Variants in NALF1 observed in about 807,000 individuals in gnomAD.
The protein encoded by NALF1 is family with sequence similarity 155 member A.
NALF1 carries 3 observed loss-of-function variants against 48.4 expected under a neutral mutation model. That is an observed-to-expected ratio of 0.06 (90% CI 0.03 to 0.16). The LOEUF is 0.16. NALF1 is among the 10% of genes least tolerant of loss of function. The pLI, the probability that NALF1 is intolerant of heterozygous loss-of-function variation, is 1.00. For missense variants in NALF1, 526 were observed against 571.5 expected (o/e 0.92, Z 0.81); for synonymous variants, 262 against 245.7 (o/e 1.07, Z -0.62).
At chr13:107,731,749 C>A (rs1269595397) in intron 1 of NALF1, among the ~76,000 whole-genome samples, 2 of 152,180 alleles carry the variant, frequency 1.3e-5, no homozygotes, top group Admixed American at 6.5e-5. Flanking sequence ...CTTTTTATGA[C>A]TGCGTAGTAT....
chr13:107,532,040 C>T, intron 1 of NALF1, among the ~76,000 whole-genome samples: 1 of 152,016 alleles, frequency 6.6e-6, no homozygotes, highest in Non-Finnish European at 1.5e-5. Context: ...AGTGAGTTAT[C>T]CTAGAAGCAT....
At chr13:107,517,321 C>T (rs1405653842) in intron 1 of NALF1, among the ~76,000 whole-genome samples, 2 of 152,020 alleles carry the variant, frequency 1.3e-5, no homozygotes, top group African/African-American at 4.8e-5. Flanking sequence ...CCCCATGTTA[C>T]TGGGAATTTT....
At chr13:107,449,089 C>A (rs1884699055) in intron 1 of NALF1, among the ~76,000 whole-genome samples, 1 of 152,070 alleles carries the variant, frequency 6.6e-6, no homozygotes, top group Non-Finnish European at 1.5e-5. Flanking sequence ...ACTAAAAATA[C>A]AAAAATTAGC....
intron 1 of NALF1, among the ~76,000 whole-genome samples, chr13:107,495,032 C>A (rs541471005): frequency 3.3e-5 from 5 of 152,184 alleles, no homozygotes; most frequent in African/African-American, 9.7e-5. Flanking sequence ...GACATAGAGG[C>A]GTTACTGTTT....
intron 1 of NALF1, among the ~76,000 whole-genome samples, chr13:107,648,433 G>A (rs1880367684): frequency 6.6e-6 from 1 of 152,138 alleles, no homozygotes; most frequent in South Asian, 2.1e-4. Context: ...TAATCATGCA[G>A]TACATAGCCA....
chr13:107,258,862 C>T (rs1296542346), intron 1 of NALF1, among the ~76,000 whole-genome samples: 1 of 151,828 alleles, frequency 6.6e-6, no homozygotes, highest in Non-Finnish European at 1.5e-5. Context: ...TTAGATGGCA[C>T]AGACACAGAA....
chr13:107,487,816 C>A (rs894268737), intron 1 of NALF1, among the ~76,000 whole-genome samples: 1 of 151,902 alleles, frequency 6.6e-6, no homozygotes, highest in Non-Finnish European at 1.5e-5. Context: ...GGCGGACTCC[C>A]TTTTTTCCCA....
At chr13:107,434,391 G>A (rs577790470) in intron 1 of NALF1, among the ~76,000 whole-genome samples, 18 of 152,224 alleles carry the variant, frequency 1.2e-4, no homozygotes, top group African/African-American at 3.9e-4. Flanking sequence ...CCATAAAGAC[G>A]GAGAATAGGT....
At chr13:107,222,816 G>T (rs1004268371) in intron 1 of NALF1, among the ~76,000 whole-genome samples, 1 of 152,194 alleles carries the variant, frequency 6.6e-6, no homozygotes, top group African/African-American at 2.4e-5. Context: ...CTAGCCTCTG[G>T]CATGACTCAG....
intron 1 of NALF1, among the ~76,000 whole-genome samples, chr13:107,280,012 G>A (rs1038333019): frequency 1.3e-5 from 2 of 151,824 alleles, no homozygotes; most frequent in Non-Finnish European, 2.9e-5. Context: ...GGCTGGTCTT[G>A]AACTCGTGAG....
intron 1 of NALF1, among the ~76,000 whole-genome samples, chr13:107,325,855 C>CACATAT (rs1331741745): frequency 1.9e-4 from 10 of 54,052 alleles, no homozygotes; most frequent in Non-Finnish European, 2.2e-4. Flanking sequence ...CACACACACA[C>CACATAT]ATATATATAT....
intron 1 of NALF1, among the ~76,000 whole-genome samples, chr13:107,709,411 G>A (rs536154821): frequency 1.3e-5 from 2 of 152,316 alleles, no homozygotes; most frequent in African/African-American, 4.8e-5. Context: ...CAGTGAGAAC[G>A]TGGATAATTC....
chr13:107,197,023 A>G (rs1413139139), intron 2 of NALF1, among the ~76,000 whole-genome samples: 1 of 152,128 alleles, frequency 6.6e-6, no homozygotes, highest in African/African-American at 2.4e-5. Context: ...GGGACTTAAG[A>G]TCACATAAGG....
chr13:107,477,987 A>G (rs1224649534), intron 1 of NALF1, among the ~76,000 whole-genome samples: 1 of 147,980 alleles, frequency 6.8e-6, no homozygotes, highest in Non-Finnish European at 1.5e-5. Flanking sequence ...CAGAAAGTGT[A>G]TGATTTCTCC....
chr13:107,219,596 A>G (rs11840785), intron 1 of NALF1, among the ~76,000 whole-genome samples: 5,911 of 152,334 alleles, frequency 0.039, 161 homozygotes, highest in East Asian at 0.084. Context: ...TCCAGAACTC[A>G]TATAAGATTT....
intron 2 of NALF1, among the ~76,000 whole-genome samples, chr13:107,190,009 A>G (rs574879283): frequency 1.4e-4 from 22 of 152,124 alleles, no homozygotes; most frequent in Admixed American, 1.0e-3. Context: ...TGAGAACATT[A>G]CCTATTATGT....
At chr13:107,649,823 C>T (rs1880401789) in intron 1 of NALF1, among the ~76,000 whole-genome samples, 1 of 152,140 alleles carries the variant, frequency 6.6e-6, no homozygotes, top group Admixed American at 6.5e-5. Flanking sequence ...TTGTGGTGTG[C>T]TGTGTCCTGC....
intron 1 of NALF1, among the ~76,000 whole-genome samples, chr13:107,390,350 A>G (rs35652803): frequency 0.14 from 21,311 of 150,728 alleles, 1,879 homozygotes; most frequent in East Asian, 0.19. Flanking sequence ...GTCTCAAAAA[A>G]GAAAAAAAAA....
rs148714970 is a variant in NALF1 at position 107,272,719 on chromosome 13, T to C, written c.916-61964A>G. On this transcript the variant is annotated intron_variant, in intron 1 of 2. Transcript: ENST00000375915. ...GTATAAATGAGTATCAAAATATATT[T>C]TCAGCCATCCAAAGGTAGTATTCAT... 2.7e-3 allele frequency among the ~76,000 whole-genome samples: 409 copies of C among 152,292 alleles called. 1 individual carries two copies. Among genetic ancestry groups the C allele is most frequent in the African/African-American group, 9.6e-3 (399 of 41,554 alleles).
Sources: allele counts gnomAD v4.1 joint callset (sites outside exome capture counted in the v4.1 genomes callset), GRCh38; gene constraint gnomAD v4.1.1; transcripts MANE v1.5; gene names NCBI Gene and HGNC (gene_info 2026-07-23, HGNC 2026-07-21).